Variants in SCUBE1 observed in about 807,000 individuals in gnomAD.
SCUBE1 encodes the protein signal peptide, CUB domain and EGF like domain containing 1, also known as signal peptide, CUB and EGF-like domain-containing protein 1.
SCUBE1 carries 59 observed loss-of-function variants against 124.4 expected under a neutral mutation model. The ratio of observed to expected loss-of-function variants is 0.47; its 90% CI spans 0.38 to 0.59. SCUBE1 has a LOEUF of 0.59. Among genes scored for constraint, SCUBE1 ranks in the 20% least tolerant of loss-of-function variants. The pLI is 0.00. For missense variants in SCUBE1, 1,150 were observed against 1,371.2 expected, an observed-to-expected ratio of 0.84 and a Z score of 2.55; for synonymous variants, 545 against 550.9, an observed-to-expected ratio of 0.99 and a Z score of 0.15.
chr22:43,218,834 A>C (rs1569498250), intron 14 of SCUBE1, among the ~76,000 whole-genome samples: 1 of 152,094 alleles, frequency 6.6e-6, no homozygotes, highest in Non-Finnish European at 1.5e-5. Flanking sequence ...AAGGCCCTTC[A>C]AGGTCCAGCC....
At chr22:43,239,703 A>G (rs547586573) in intron 6 of SCUBE1, among the ~76,000 whole-genome samples, 5 of 152,384 alleles carry the variant, frequency 3.3e-5, no homozygotes, top group African/African-American at 1.2e-4. Context: ...GGGCTGGTCC[A>G]GCCCTTGGGT....
intron 1 of SCUBE1, among the ~76,000 whole-genome samples, chr22:43,339,912 C>T (rs1237649537): frequency 5.2e-5 from 3 of 58,220 alleles, no homozygotes; most frequent in Admixed American, 1.4e-4. Flanking sequence ...TCTCCTCATT[C>T]TACCCCCCCA....
chr22:43,277,041 T>C lies in SCUBE1; in HGVS notation c.484+14005A>G, dbSNP rs7292388. On this transcript the variant is annotated intron_variant, in intron 4 of 21. Coordinates refer to ENST00000360835, the MANE Select transcript of SCUBE1 (RefSeq NM_173050.5). ...GGAGAAAGGCCCGGGAGCAGAGACA[T>C]GAGAGACAGGGCAGGGAGGCTGAGG... is the stretch of plus-strand genomic sequence containing the variant. 9.5e-3 allele frequency among the ~76,000 whole-genome samples: 1,446 copies of C among 151,928 alleles called. 22 individuals carry two copies. The highest frequency in any genetic ancestry group is 0.033 in the African/African-American group (1,367 of 41,446).
At chr22:43,306,010 G>C (rs1012796219) in intron 3 of SCUBE1, among the ~76,000 whole-genome samples, 2 of 152,190 alleles carry the variant, frequency 1.3e-5, no homozygotes, top group Admixed American at 1.3e-4. Flanking sequence ...CTGGCTAATG[G>C]CCACTATAAA....
At chr22:43,298,308 T>G (rs776674174) in intron 3 of SCUBE1, among the ~76,000 whole-genome samples, 13 of 152,238 alleles carry the variant, frequency 8.5e-5, no homozygotes, top group Admixed American at 2.0e-4. Flanking sequence ...GTCTGCTTCC[T>G]GGTCTGGGCA....
intron 5 of SCUBE1, among the ~76,000 whole-genome samples, chr22:43,260,585 A>G (rs376742117): frequency 1.3e-4 from 20 of 152,356 alleles, no homozygotes; most frequent in Admixed American, 7.8e-4. Context: ...CCTCAGAGCT[A>G]ACTTCTCACC....
chr22:43,199,709 G>C lies in SCUBE1; in HGVS notation c.*4288C>G, dbSNP rs1359093037. ...TCGCCTTGCCAGCGTGACCTGTGTG[G>C]GGCAGGGGCACTGAGGCTGGGGAGC... is the stretch of plus-strand genomic sequence containing the variant. On this transcript the variant is annotated 3_prime_UTR_variant, in exon 22 of 22. Transcript: ENST00000360835. 2 of 141,200 alleles carry C rather than the reference G, an allele frequency of 1.4e-5. No individual in the cohort carries two copies. Among genetic ancestry groups the C allele is most frequent in the Non-Finnish European group, 3.1e-5 (2 of 64,666 alleles). The allele number at this position is 141,200 out of a possible 1,614,324, so 8.7% of individuals were successfully genotyped here.
At chr22:43,212,810 G>A in intron 16 of SCUBE1, 1 of 571,550 alleles carries the variant, frequency 1.7e-6, no homozygotes, top group Non-Finnish European at 3.1e-6. Context: ...TGCGGCCTTG[G>A]TCAAGCCTGG....
At position 43,218,255 on chromosome 22, in the gene SCUBE1, C is replaced by T; in HGVS notation, c.1891G>A (p.Val631Ile). The change falls in exon 15 of 22, where the codon GTT (valine) becomes ATT (isoleucine). Residue 631 changes from valine to isoleucine, a missense_variant and splice_region_variant. Val to Ile is a conservative substitution (Grantham distance 29). Coordinates refer to ENST00000360835, the MANE Select transcript of SCUBE1 (RefSeq NM_173050.5). ...TGAGTGGCCATGGGCAAGGACTCAC[C>T]GCATTTGCTGTCCTGTAGCACCTGG... is the stretch of plus-strand genomic sequence containing the variant. ...AGQVLQDSKCVACGPGTHFGG... is the reference protein window; with the variant it reads ...AGQVLQDSKCIACGPGTHFGG... The T allele has an allele frequency of 6.2e-6, 10 of 1,612,834 alleles. No individual in the cohort carries two copies. Among genetic ancestry groups the T allele is most frequent in the East Asian group, 2.2e-5 (1 of 44,880 alleles).
rs1165689693 is a variant in SCUBE1, at chr22:43,198,158, A to G, written c.*5839T>C. The G allele has an allele frequency of 2.6e-5, 6 of 228,080 alleles. No homozygotes were observed. The East Asian group carries it at 6.9e-4, about 26-fold the overall frequency. The allele number at this position is 228,080 out of a possible 1,614,324, so 14.1% of individuals were successfully genotyped here. ...GGGGCTGGGGGGATGGAATGTGTGG[A>G]TATTAGAGGGTTGAGCCCAGAGCCT... On this transcript the variant is annotated 3_prime_UTR_variant, in exon 22 of 22. Coordinates refer to ENST00000360835, the MANE Select transcript of SCUBE1 (RefSeq NM_173050.5).
Position 43,201,719 on chromosome 22 carries a change from G to A in SCUBE1, c.*2278C>T, listed in dbSNP as rs998196571. 6.6e-5 allele frequency: 10 copies of A among 152,146 alleles called. No individual in the cohort carries two copies. The highest frequency in any genetic ancestry group is 2.4e-4 in the African/African-American group (10 of 41,402). The allele number at this position is 152,146 out of a possible 1,614,324, so 9.4% of individuals were successfully genotyped here. A position where few individuals can be genotyped will look rare whatever the true frequency, so the allele number is the denominator to read the frequency against. ...CCCAATCGCAGACAGCCGATCGTGGGACTTGTTGGCCTCCAGAATCTGTGA... is the reference window on the plus strand; with the variant it reads ...CCCAATCGCAGACAGCCGATCGTGGAACTTGTTGGCCTCCAGAATCTGTGA... On this transcript the variant is annotated 3_prime_UTR_variant, in exon 22 of 22. Coordinates refer to ENST00000360835, the MANE Select transcript of SCUBE1 (RefSeq NM_173050.5).
At position 43,222,752 on chromosome 22, in the gene SCUBE1, A is replaced by C. The variant is rs774581592; in HGVS notation, c.1328-10T>G. ...TAGCTATTTTCCGAGTCTGCAGAGAAGCCGGTGGGTGAGGTGGGCCTGGTG... is the reference window on the plus strand; with the variant it reads ...TAGCTATTTTCCGAGTCTGCAGAGACGCCGGTGGGTGAGGTGGGCCTGGTG... On this transcript the variant is annotated splice_polypyrimidine_tract_variant and intron_variant, in intron 11 of 21. Coordinates refer to ENST00000360835, the MANE Select transcript of SCUBE1 (RefSeq NM_173050.5). 15 of 1,586,534 alleles carry C rather than the reference A, an allele frequency of 9.5e-6. No individual in the cohort carries two copies. Among genetic ancestry groups the C allele is most frequent in the Non-Finnish European group, 1.2e-5 (14 of 1,164,282 alleles).
chr22:43,207,417 A>C, intron 21 of SCUBE1, 117 bp downstream of exon 21: 1 of 784,964 alleles, frequency 1.3e-6, no homozygotes. Flanking sequence ...CTCCTCTCCC[A>C]TCACCACCCA....
rs551375977 is a variant in SCUBE1, at chr22:43,230,244, C to T, written c.968-1056G>A. ...GGGTGCCCAGGGGATGCACCTGTTC[C>T]CTTGGGCCCAGCCCCATCTGAACTC... On this transcript the variant is annotated intron_variant, in intron 8 of 21. Coordinates refer to ENST00000360835, the MANE Select transcript of SCUBE1 (RefSeq NM_173050.5). Among the ~76,000 whole-genome samples, 11 of 152,224 alleles carry T rather than the reference C, an allele frequency of 7.2e-5. No individual in the cohort carries two copies. In the South Asian group the frequency reaches 2.3e-3, roughly 32 times the overall value.
chr22:43,262,821 T>C lies in SCUBE1; in HGVS notation c.509A>G (p.Asp170Gly). The C allele has an allele frequency of 6.2e-7, 1 of 1,614,134 alleles. No homozygotes were observed. Among genetic ancestry groups the C allele is most frequent in the Non-Finnish European group, 8.5e-7 (1 of 1,179,992 alleles). The change falls in exon 5 of 22, where the codon GAC (aspartate) becomes GGC (glycine). Residue 170 changes from aspartate to glycine, a missense_variant. By Grantham distance (94) the Asp-to-Gly change is moderately conservative. Transcript: ENST00000360835. The stretch of plus-strand genomic sequence containing the variant: ...CCGGCAGATGTGGGCACAGCCATGG[T>C]CTTTGTTCATGCAGTTCATACCCTC... ...SNEGMNCMNK[D>G]HGCAHICRET...
intron 1 of SCUBE1, among the ~76,000 whole-genome samples, chr22:43,342,487 C>G (rs867010192): frequency 6.6e-6 from 1 of 151,906 alleles, no homozygotes; most frequent in Non-Finnish European, 1.5e-5. Context: ...TCTCTCTTTC[C>G]CGGTCTCCCT....
rs974148583 is a variant in SCUBE1, at chr22:43,211,913, C to T, written c.2221+512G>A. 1.3e-5 allele frequency among the ~76,000 whole-genome samples: 2 copies of T among 152,042 alleles called. No homozygotes were observed. Among genetic ancestry groups the T allele is most frequent in the African/African-American group, 4.8e-5 (2 of 41,370 alleles). ...TGGCTCCAGGGGGCTGAGAGCCAGG[C>T]CACCTGGACAGACAGACAGACACTG... On this transcript the variant is annotated intron_variant, in intron 17 of 21. Coordinates refer to ENST00000360835, the MANE Select transcript of SCUBE1 (RefSeq NM_173050.5). The surrounding 1 kb of genome is among the most constrained non-coding windows in gnomAD (Gnocchi z 4.5).
intron 4 of SCUBE1, among the ~76,000 whole-genome samples, chr22:43,288,128 G>A (rs1925217448): frequency 6.6e-6 from 1 of 152,222 alleles, no homozygotes; most frequent in African/African-American, 2.4e-5. Context: ...AAAATCGTAA[G>A]GAGAGAAGGC....
intron 3 of SCUBE1, among the ~76,000 whole-genome samples, chr22:43,298,330 C>G (rs147020087): frequency 6.6e-6 from 1 of 152,220 alleles, no homozygotes; most frequent in East Asian, 1.9e-4. Flanking sequence ...CAGCTGAGGT[C>G]TTCCCTGGGG....
Sources: gnomAD v4.1 joint callset for allele counts (sites outside exome capture counted in the v4.1 genomes callset) on GRCh38, gnomAD v4.1.1 for gene constraint, Gnocchi (gnomAD v3.1) non-coding constraint, MANE v1.5 for transcripts, NCBI Gene and HGNC (gene_info 2026-07-23, HGNC 2026-07-21) for gene names.